The following HIF3A variants were observed in gnomAD, a reference collection of about 807,000 sequenced individuals.
The protein encoded by HIF3A is hypoxia inducible factor 3 subunit alpha.
HIF3A carries 41 observed loss-of-function variants against 67.2 expected under a neutral mutation model. The ratio of observed to expected loss-of-function variants is 0.61; its 90% confidence interval spans 0.48 to 0.79. The LOEUF is 0.79. Ranked by LOEUF, HIF3A falls within the 30% of genes least tolerant of loss-of-function variation. HIF3A has a pLI of 0.00. For synonymous variants in HIF3A, 356 were observed against 374.8 expected, an observed-to-expected ratio of 0.95 and a Z score of 0.58; for missense variants, 855 against 898.0, an observed-to-expected ratio of 0.95 and a Z score of 0.61.
rs1250793898 is a variant in HIF3A, at chr19:46,322,101, T to TG, written c.1335+139dup. ...GTGTAGTGGGGAGGTTGGGATGAGA[T>TG]GGGGTTGAGGTTCCTTTAAGACGCA... On this transcript the variant is annotated intron_variant, in intron 10 of 14. Transcript: ENST00000377670. 85 of 856,680 alleles carry TG rather than the reference T, an allele frequency of 9.9e-5. No individual in the cohort carries two copies. The East Asian group carries it at 2.3e-3, about 23-fold the overall frequency. 53.1% of individuals were successfully genotyped at this position (856,680 alleles called of 1,614,324 possible). A position where few individuals can be genotyped will look rare whatever the true frequency, so the allele number is the denominator to read the frequency against.
chr19:46,304,120 G>T, intron 2 of HIF3A, 32 bp downstream of exon 2: 1 of 1,534,518 alleles, frequency 6.5e-7, no homozygotes. Flanking sequence ...TCCCGTCTTG[G>T]TCAGGCCCCG....
chr19:46,336,458 C>T (rs1971627595), intron 14 of HIF3A, among the ~76,000 whole-genome samples: 1 of 152,012 alleles, frequency 6.6e-6, no homozygotes, highest in South Asian at 2.1e-4. Flanking sequence ...CCTCTGTGTC[C>T]CCGGGCTCAA....
intron 1 of HIF3A, among the ~76,000 whole-genome samples, chr19:46,301,950 T>C (rs1401003456): frequency 6.6e-6 from 1 of 152,008 alleles, no homozygotes; most frequent in East Asian, 1.9e-4. Context: ...AGCACATAAA[T>C]GCTTAGCAAA....
rs564104669 is a variant in HIF3A at position 46,315,972 on chromosome 19, T to G, written c.1025+3319T>G. Among the ~76,000 whole-genome samples the G allele has an allele frequency of 5.3e-5, 8 of 152,146 alleles. No homozygotes were observed. The East Asian group carries it at 1.5e-3, about 29-fold the overall frequency. On this transcript the variant is annotated intron_variant, in intron 8 of 14. Transcript: ENST00000377670. ...AGGACAGGGTGCGGTGGCTCATGCCTGTAATCCCAGCACTTTGGGAGTCCA... is the reference window on the plus strand; with the variant it reads ...AGGACAGGGTGCGGTGGCTCATGCCGGTAATCCCAGCACTTTGGGAGTCCA...
intron 8 of HIF3A, 74 bp from the exon 9 acceptor site, chr19:46,320,369 A>T: frequency 8.5e-7 from 1 of 1,178,394 alleles, no homozygotes; most frequent in Middle Eastern, 1.9e-4. Context: ...ATAGGACATC[A>T]CCTGAACAGG....
rs772471471 is a variant in HIF3A at position 46,339,544 on chromosome 19, C to T, written c.1932C>T (p.Leu644=). Residue 644 remains leucine (L), a synonymous_variant, in exon 15 of 15, where the codon CTC becomes CTT. Coordinates refer to ENST00000377670, the MANE Select transcript of HIF3A (RefSeq NM_152795.4). The stretch of plus-strand genomic sequence containing the variant: ...TTGCAGGCCTGGGCCCCTCACTGCT[C>T]TCTCCGTACTCAGACGAGGACACTA... The part of the protein sequence containing the change: ...NEPLGLGPSL[L]SPYSDEDTTQ... The T allele has an allele frequency of 1.2e-6, 2 of 1,603,204 alleles. No individual in the cohort carries two copies. The highest frequency in any genetic ancestry group is 3.4e-5 in the Admixed American group (2 of 59,250).
In HIF3A at chr19:46,309,146, C is replaced by A; in HGVS notation, c.562-5C>A. 1 of 1,610,362 alleles carries A rather than the reference C, an allele frequency of 6.2e-7. No individual in the cohort carries two copies. The highest frequency in any genetic ancestry group is 8.5e-7 in the Non-Finnish European group (1 of 1,177,390). On this transcript the variant is annotated splice_region_variant and splice_polypyrimidine_tract_variant and intron_variant, in intron 5 of 14. Coordinates refer to ENST00000377670, the MANE Select transcript of HIF3A (RefSeq NM_152795.4). Reference sequence around the variant, plus strand: ...ACTGCCTTGTCCCCTCATCTCGGCCCCCAGGTGCTGAACTGCTCTGGACAT... The same window carrying A: ...ACTGCCTTGTCCCCTCATCTCGGCCACCAGGTGCTGAACTGCTCTGGACAT...
At chr19:46,320,290 A>G (rs911428818) in intron 8 of HIF3A, 153 bp from the exon 9 acceptor site, 6 of 647,910 alleles carry the variant, frequency 9.3e-6, no homozygotes, top group South Asian at 1.9e-5. Context: ...CTTATAGGAG[A>G]CAAATAAATG....
chr19:46,320,389 C>G, intron 8 of HIF3A, 54 bp from the exon 9 acceptor site: 1 of 1,417,094 alleles, frequency 7.1e-7, no homozygotes, highest in South Asian at 1.2e-5. Flanking sequence ...GCTTTCTGGG[C>G]TGGAGCCAAG....
chr19:46,302,089 T>G (rs1046517242), intron 1 of HIF3A, among the ~76,000 whole-genome samples: 7 of 152,082 alleles, frequency 4.6e-5, no homozygotes, highest in African/African-American at 1.7e-4. Flanking sequence ...AATTTTTTAT[T>G]TTGCCTATTT....
intron 6 of HIF3A, among the ~76,000 whole-genome samples, chr19:46,310,844 G>A (rs1321939346): frequency 1.3e-5 from 2 of 152,232 alleles, no homozygotes; most frequent in South Asian, 2.1e-4. Flanking sequence ...TCCACCTCCC[G>A]GGTTCAAGTG....
intron 1 of HIF3A, among the ~76,000 whole-genome samples, chr19:46,301,837 T>A (rs1370036406): frequency 7.1e-5 from 10 of 140,930 alleles, no homozygotes; most frequent in Non-Finnish European, 9.7e-5. Flanking sequence ...AAAAAAAAAA[T>A]TAAAAATTAA....
chr19:46,341,203 T>TC lies in HIF3A; in HGVS notation c.*1581_*1582insC, dbSNP rs1971924415. ...CCAGACCTCTTAATCTCTCTCTTTT[T>TC]TTTTTTTTTTTTTTGAGACAGAGTC... On this transcript the variant is annotated 3_prime_UTR_variant, in exon 15 of 15. Coordinates refer to ENST00000377670, the MANE Select transcript of HIF3A (RefSeq NM_152795.4). 6.7e-6 allele frequency: 1 copy of TC among 150,070 alleles called. No individual in the cohort carries two copies. Among genetic ancestry groups the TC allele is most frequent in the African/African-American group, 2.5e-5 (1 of 40,736 alleles). The allele number at this position is 150,070 out of a possible 1,614,324, so 9.3% of individuals were successfully genotyped here. A position where few individuals can be genotyped will look rare whatever the true frequency, so the allele number is the denominator to read the frequency against.
chr19:46,312,882 A>ATTT lies in HIF3A; in HGVS notation c.1025+256_1025+258dup, dbSNP rs531816670. 144 of 879,096 alleles carry ATTT rather than the reference A, an allele frequency of 1.6e-4. 2 individuals carry two copies. Among genetic ancestry groups the ATTT allele is most frequent in the African/African-American group, 1.1e-3 (40 of 35,708 alleles). The allele number at this position is 879,096 out of a possible 1,614,324, so 54.5% of individuals were successfully genotyped here. On this transcript the variant is annotated intron_variant, in intron 8 of 14. Coordinates refer to ENST00000377670, the MANE Select transcript of HIF3A (RefSeq NM_152795.4). ...ATGTGTATGGGTGTGTAGACTGTTA[A>ATTT]TTTTTTTTTTTTTTTTTTTTTTTTT... is the stretch of plus-strand genomic sequence containing the variant.
Position 46,297,046 on chromosome 19 carries a change from C to T in HIF3A, c.-31C>T, listed in dbSNP as rs1261131367. ...AGGCCGGGGAGGGGGCTAGGGGCCT[C>T]CGAGGGCTCCGGAGCGGCGACTGGC... On this transcript the variant is annotated 5_prime_UTR_variant, in exon 1 of 15. Coordinates refer to ENST00000377670, the MANE Select transcript of HIF3A (RefSeq NM_152795.4). The surrounding 1 kb of genome is among the most constrained non-coding windows in gnomAD (Gnocchi z 4.5). The T allele has an allele frequency of 2.3e-6, 3 of 1,300,806 alleles. No homozygotes were observed. The highest frequency in any genetic ancestry group is 2.3e-4 in the Middle Eastern group (1 of 4,312). The allele number at this position is 1,300,806 out of a possible 1,614,324, so 80.6% of individuals were successfully genotyped here. A position where few individuals can be genotyped will look rare whatever the true frequency, so the allele number is the denominator to read the frequency against.
At position 46,309,040 on chromosome 19, in the gene HIF3A, TG is replaced by T. The variant is rs1352848732; in HGVS notation, c.562-107del. 4.4e-6 allele frequency: 4 copies of T among 905,736 alleles called. No homozygotes were observed. The African/African-American group carries it at 5.0e-5, about 11-fold the overall frequency. The allele number at this position is 905,736 out of a possible 1,614,324, so 56.1% of individuals were successfully genotyped here. A position where few individuals can be genotyped will look rare whatever the true frequency, so the allele number is the denominator to read the frequency against. On this transcript the variant is annotated intron_variant, in intron 5 of 14. Coordinates refer to ENST00000377670, the MANE Select transcript of HIF3A (RefSeq NM_152795.4). The stretch of plus-strand genomic sequence containing the variant: ...AGTCCCTTTGAACCTGAAGTCTTCA[TG>T]GGGTTGGAATCTCAGCTCCCTGATG...
At chr19:46,303,449 C>A (rs1568498786) in intron 1 of HIF3A, 2 of 592,664 alleles carry the variant, frequency 3.4e-6, no homozygotes, top group Non-Finnish European at 6.0e-6. Flanking sequence ...GGAGGTGATT[C>A]TGGGAAACTG....
chr19:46,320,818 G>T (rs577741143), intron 9 of HIF3A, among the ~76,000 whole-genome samples: 1 of 152,290 alleles, frequency 6.6e-6, no homozygotes, highest in African/African-American at 2.4e-5. Context: ...TGGCTATGGG[G>T]TGGTTGCTTC....
chr19:46,321,976 C>T lies in HIF3A; in HGVS notation c.1335+10C>T. The T allele has an allele frequency of 1.2e-6, 2 of 1,612,872 alleles. No homozygotes were observed. The highest frequency in any genetic ancestry group is 1.7e-6 in the Non-Finnish European group (2 of 1,179,428). On this transcript the variant is annotated intron_variant, in intron 10 of 14. Transcript: ENST00000377670. ...CCAAAGTCCTCTTTCGGTAAGCCAT[C>T]CCACCCATGTGAGCCCTCAGCATCC...
Sources: allele counts gnomAD v4.1 joint callset (sites outside exome capture counted in the v4.1 genomes callset), GRCh38; gene constraint gnomAD v4.1.1; non-coding constraint Gnocchi (gnomAD v3.1); transcripts MANE v1.5; gene names NCBI Gene and HGNC (gene_info 2026-07-23, HGNC 2026-07-21).